The following PSMG4 variants were observed in gnomAD, a reference collection of about 807,000 sequenced individuals.
PSMG4 encodes the protein proteasome (prosome, macropain) assembly chaperone 4.
PSMG4 carries 10 observed loss-of-function variants against 11.0 expected under a neutral mutation model. That is an observed-to-expected ratio of 0.91 (90% CI 0.56 to 1.54). The LOEUF (loss-of-function observed/expected upper bound fraction) is 1.54, where lower values mean the gene tolerates loss of function less well. PSMG4 is among the 40% of genes most tolerant of loss of function. The pLI, the probability that PSMG4 is intolerant of heterozygous loss-of-function variation, is 0.00. For missense variants in PSMG4, 198 were observed against 160.9 expected (o/e 1.23, Z -1.25); for synonymous variants, 95 against 71.3 (o/e 1.33, Z -1.68).
At chr6:3,262,131 T>C (rs1758013857) in intron 1 of PSMG4, among the ~76,000 whole-genome samples, 1 of 152,158 alleles carries the variant, frequency 6.6e-6, no homozygotes, top group Admixed American at 6.5e-5. Context: ...GAAGCTGGCC[T>C]GGGACCTGGG....
chr6:3,263,695 C>G lies in PSMG4; in HGVS notation c.186C>G (p.Pro62=), dbSNP rs1283639592. The part of the protein sequence containing the change: ...VAMCSRYDSI[P]VSTSLLGDTS... Reference sequence around the variant, plus strand: ...TGCTTTTCTTTTAGGACTCCATCCCCGTGTCTACCTCCCTCCTTGGAGACA... The same window carrying G: ...TGCTTTTCTTTTAGGACTCCATCCCGGTGTCTACCTCCCTCCTTGGAGACA... Residue 62 remains proline, a synonymous_variant, in exon 2 of 3, where the codon CCC becomes CCG. Coordinates refer to ENST00000438998, the MANE Select transcript of PSMG4 (RefSeq NM_001128591.2). 2 of 1,549,122 alleles carry G rather than the reference C, an allele frequency of 1.3e-6. No individual in the cohort carries two copies. The highest frequency in any genetic ancestry group is 1.7e-6 in the Non-Finnish European group (2 of 1,145,876).
chr6:3,255,192 T>C (rs925437411), upstream of PSMG4: 3 of 1,550,550 alleles, frequency 1.9e-6, no homozygotes, highest in East Asian at 4.9e-5. Context: ...CTGGTGGAAG[T>C]AGGATGTTTG....
chr6:3,254,978 G>T (rs746636273), upstream of PSMG4: 22 of 1,472,526 alleles, frequency 1.5e-5, no homozygotes, highest in Non-Finnish European at 2.0e-5. Flanking sequence ...TGATGTGGCT[G>T]TGGATCCCAT....
chr6:3,266,688 A>C (rs1758194013), intron 2 of PSMG4: 1 of 152,028 alleles, frequency 6.6e-6, no homozygotes, highest in African/African-American at 2.4e-5. Flanking sequence ...ACTAAAACTT[A>C]CATTCAGTAG....
upstream of PSMG4, chr6:3,255,307 G>T: frequency 6.6e-7 from 1 of 1,516,500 alleles, no homozygotes; most frequent in Non-Finnish European, 8.9e-7. Flanking sequence ...TGGGAGAGTG[G>T]TGGATGAGGC....
At chr6:3,267,465 A>T in intron 2 of PSMG4, 126 bp from the exon 3 acceptor site, 2 of 1,085,462 alleles carry the variant, frequency 1.8e-6, no homozygotes, top group Non-Finnish European at 2.6e-6. Flanking sequence ...CATGGAGATT[A>T]GAGCTTTCTT....
chr6:3,256,476 T>A (rs1191015951), upstream of PSMG4, among the ~76,000 whole-genome samples: 2 of 152,172 alleles, frequency 1.3e-5, no homozygotes, highest in Non-Finnish European at 2.9e-5. Context: ...TGCATCTTCC[T>A]CCTCCTGTGA....
rs869076629 is a variant in PSMG4, at chr6:3,260,291, A to ATT, written c.174+1112_174+1113dup. Among the ~76,000 whole-genome samples the ATT allele has an allele frequency of 3.0e-3, 210 of 70,862 alleles. 4 individuals are homozygous for ATT. Among genetic ancestry groups the ATT allele is most frequent in the Admixed American group, 4.9e-3 (23 of 4,742 alleles). The allele number at this position is 70,862 out of a possible 152,430, so 46.5% of individuals were successfully genotyped here. A position where few individuals can be genotyped will look rare whatever the true frequency, so the allele number is the denominator to read the frequency against. ...TGTCTTAAATTGTATATATATATATATTTTTTTTTTTTTTTTTTGAAGCAA... is the reference window on the plus strand; with the variant it reads ...TGTCTTAAATTGTATATATATATATATTTTTTTTTTTTTTTTTTTTGAAGCAA... On this transcript the variant is annotated intron_variant, in intron 1 of 2. Transcript: ENST00000438998.
At chr6:3,258,515 T>G (rs1042348585), upstream of PSMG4, among the ~76,000 whole-genome samples, 1 of 152,236 alleles carries the variant, frequency 6.6e-6, no homozygotes, top group Non-Finnish European at 1.5e-5. Context: ...GTGGCCGTTC[T>G]CAGAGTGCTT....
chr6:3,255,251 G>A, upstream of PSMG4: 3 of 1,548,260 alleles, frequency 1.9e-6, no homozygotes, highest in Non-Finnish European at 1.7e-6. Flanking sequence ...ATGCTGTTGG[G>A]TTCTGTGTTA....
intron 2 of PSMG4, chr6:3,264,911 T>C (rs972397966): frequency 6.5e-6 from 1 of 153,106 alleles, no homozygotes. Context: ...GTAGCACACT[T>C]ACATGGAACA....
chr6:3,254,688 CAGAA>C (rs1279972517), upstream of PSMG4, among the ~76,000 whole-genome samples: 12 of 152,098 alleles, frequency 7.9e-5, no homozygotes, highest in South Asian at 8.3e-4. Flanking sequence ...CTAAACTCAA[CAGAA>C]AGAAGCTGTG....
intron 1 of PSMG4, among the ~76,000 whole-genome samples, chr6:3,259,439 C>G (rs555717057): frequency 1.8e-4 from 27 of 152,378 alleles, no homozygotes; most frequent in Middle Eastern, 3.4e-3. Context: ...CCGCACTGGT[C>G]TCTGTAGGTC....
intron 2 of PSMG4, chr6:3,264,206 C>A: frequency 1.3e-6 from 2 of 1,551,562 alleles, no homozygotes; most frequent in Non-Finnish European, 1.7e-6. Flanking sequence ...TGATACCGTT[C>A]AGGGCTCGGA....
upstream of PSMG4, among the ~76,000 whole-genome samples, chr6:3,257,982 T>C (rs1456455066): frequency 3.3e-5 from 5 of 152,262 alleles, no homozygotes; most frequent in African/African-American, 9.6e-5. Flanking sequence ...TTTAGTCAAC[T>C]TAGATCTATT....
intron 1 of PSMG4, among the ~76,000 whole-genome samples, chr6:3,263,426 G>A (rs1024689477): frequency 1.3e-5 from 2 of 152,200 alleles, no homozygotes; most frequent in East Asian, 1.9e-4. Context: ...CGAGCCTTTC[G>A]TGTGAAACTG....
At chr6:3,267,400 ACT>A (rs1278131625) in intron 2 of PSMG4, 189 bp from the exon 3 acceptor site, 4 of 480,116 alleles carry the variant, frequency 8.3e-6, no homozygotes, top group Admixed American at 7.2e-5. Flanking sequence ...TGGTGGAGAG[ACT>A]GGGAGAGGCC....
At chr6:3,258,118 TCTCAA>T (rs1757828166), upstream of PSMG4, among the ~76,000 whole-genome samples, 1 of 152,190 alleles carries the variant, frequency 6.6e-6, no homozygotes, top group African/African-American at 2.4e-5. Flanking sequence ...GGCTTCCTTT[TCTCAA>T]CTCTGTAATG....
At chr6:3,267,278 C>T (rs1041816467) in intron 2 of PSMG4, 3 of 239,958 alleles carry the variant, frequency 1.3e-5, no homozygotes, top group South Asian at 7.0e-5. Context: ...GACAGCTGGC[C>T]CCAAATCCTG....
Sources: gnomAD v4.1 joint callset for allele counts (sites outside exome capture counted in the v4.1 genomes callset) on GRCh38, gnomAD v4.1.1 for gene constraint, MANE v1.5 for transcripts, NCBI Gene and HGNC (gene_info 2026-07-23, HGNC 2026-07-21) for gene names.